ROS1: variants seen among roughly 807,000 people sequenced by gnomAD.
ROS1 encodes the protein proto-oncogene tyrosine-protein kinase ROS.
A neutral mutation model predicts 273.5 loss-of-function variants in ROS1; 263 were observed. The observed-to-expected ratio is 0.96, with a 90% CI of 0.87 to 1.06. The LOEUF (loss-of-function observed/expected upper bound fraction) is 1.06. ROS1 is among the 50% of genes least tolerant of loss of function. The probability of loss-of-function intolerance (pLI) is 0.00; values close to 1 mark genes in which losing one functional copy is unlikely to be tolerated. For missense variants in ROS1, 2,833 were observed against 2,751.1 expected (o/e 1.03, Z -0.67); for synonymous variants, 1,008 against 954.1 (o/e 1.06, Z -1.04).
chr6:117,417,208 T>A (rs1401043786), intron 2 of ROS1, among the ~76,000 whole-genome samples: 1 of 152,156 alleles, frequency 6.6e-6, no homozygotes, highest in African/African-American at 2.4e-5. Context: ...AGATCCATCA[T>A]GTGGAATTCA....
rs750748780 is a variant in ROS1, at chr6:117,308,848, T to A, written c.6497A>T (p.Asn2166Ile). ...CAGTCTCCCTCCTGTTTGCACATAG[T>A]TTAACACATCAAGGTTGGAATGAGC... is the stretch of plus-strand genomic sequence containing the variant. ...YPAHSNLDVL[N>I]YVQTGGRLEP... The change falls in exon 42 of 44, where the codon AAC (asparagine) becomes ATC (isoleucine). Residue 2166 changes from asparagine (N) to isoleucine (I), a missense_variant. Asn to Ile is a moderately radical substitution (Grantham distance 149). Transcript: ENST00000368507. 1 of 1,613,496 alleles carries A rather than the reference T, an allele frequency of 6.2e-7. No individual in the cohort carries two copies. Among genetic ancestry groups the A allele is most frequent in the Non-Finnish European group, 8.5e-7 (1 of 1,179,644 alleles).
chr6:117,359,807 A>T lies in ROS1; in HGVS notation c.3633+2T>A. The T allele has an allele frequency of 6.2e-7, 1 of 1,610,920 alleles. No individual in the cohort carries two copies. Among genetic ancestry groups the T allele is most frequent in the Non-Finnish European group, 8.5e-7 (1 of 1,177,328 alleles). On this transcript the variant is annotated splice_donor_variant, in intron 24 of 43. Coordinates refer to ENST00000368507, the MANE Select transcript of ROS1 (RefSeq NM_001378902.1). LOFTEE classifies it high-confidence loss of function. ...TTTCGGAAGAATTACATAGTGAAAT[A>T]CCTCAGAGCTAGAGCGATTGTGCAA... is the stretch of plus-strand genomic sequence containing the variant.
chr6:117,387,339 G>A (rs1022910681), intron 14 of ROS1, among the ~76,000 whole-genome samples: 11 of 152,280 alleles, frequency 7.2e-5, no homozygotes, highest in African/African-American at 2.6e-4. Context: ...GCATCCAGAA[G>A]AGACTGTGTT....
intron 27 of ROS1, among the ~76,000 whole-genome samples, chr6:117,349,219 T>G (rs530063708): frequency 2.4e-4 from 37 of 152,108 alleles, no homozygotes; most frequent in African/African-American, 8.7e-4. Flanking sequence ...TTTCTTGCAG[T>G]TCTATCAGTT....
intron 31 of ROS1, among the ~76,000 whole-genome samples, chr6:117,339,572 T>C (rs1229670298): frequency 3.3e-5 from 5 of 152,150 alleles, no homozygotes; most frequent in African/African-American, 7.2e-5. Flanking sequence ...ACTTTCTGAC[T>C]ATATAGCACT....
intron 11 of ROS1, among the ~76,000 whole-genome samples, chr6:117,393,730 A>AC (rs1773261838): frequency 6.6e-6 from 1 of 151,736 alleles, no homozygotes; most frequent in Non-Finnish European, 1.5e-5. Context: ...ACCACCACCA[A>AC]CAACAACAAC....
chr6:117,378,863 A>G (rs1034734791), intron 18 of ROS1, among the ~76,000 whole-genome samples, 196 bp downstream of exon 18: 2 of 152,174 alleles, frequency 1.3e-5, no homozygotes, highest in Non-Finnish European at 2.9e-5. Flanking sequence ...TACTCTCTTC[A>G]TACCCCATCA....
chr6:117,349,816 A>T (rs1778667885), intron 27 of ROS1, among the ~76,000 whole-genome samples: 1 of 151,994 alleles, frequency 6.6e-6, no homozygotes, highest in South Asian at 2.1e-4. Flanking sequence ...CCACCTTCAA[A>T]CAACACTATA....
intron 1 of ROS1, among the ~76,000 whole-genome samples, 189 bp downstream of exon 1, chr6:117,425,345 G>C (rs1324822947): frequency 6.6e-6 from 1 of 152,034 alleles, no homozygotes; most frequent in Non-Finnish European, 1.5e-5. Flanking sequence ...AAATAAAATA[G>C]CCTGCTTTAT....
intron 43 of ROS1, among the ~76,000 whole-genome samples, chr6:117,292,424 G>T (rs1317478055): frequency 2.0e-5 from 3 of 152,128 alleles, no homozygotes; most frequent in Admixed American, 6.6e-5. Context: ...TCCTTTCTAA[G>T]CCTCTCTCCT....
chr6:117,351,285 C>T (rs1047765182), intron 27 of ROS1, among the ~76,000 whole-genome samples: 4 of 152,132 alleles, frequency 2.6e-5, no homozygotes, highest in African/African-American at 7.2e-5. Flanking sequence ...TGGGGTTGGG[C>T]ACTTCTCTTT....
chr6:117,399,645 T>C (rs1033313897), intron 7 of ROS1, among the ~76,000 whole-genome samples: 7 of 152,156 alleles, frequency 4.6e-5, no homozygotes, highest in African/African-American at 1.7e-4. Context: ...ACTCTGAGGG[T>C]GAGGGCACCA....
chr6:117,319,990 A>C lies in ROS1; in HGVS notation c.5800T>G (p.Phe1934Val). Reference sequence around the variant, plus strand: ...CGCAGAGTCAGTTTTTCCCGAGGGAAGGCAGGAAGATTTTCAATCTCCTCT... The same window carrying C: ...CGCAGAGTCAGTTTTTCCCGAGGGACGGCAGGAAGATTTTCAATCTCCTCT... Reference protein sequence around the residue: ...TQEEIENLPAFPREKLTLRLL... With the variant: ...TQEEIENLPAVPREKLTLRLL... Residue 1934 changes from phenylalanine (F) to valine (V), a missense_variant, in exon 37 of 44, where the codon TTC (phenylalanine) becomes GTC (valine). Transcript: ENST00000368507. 1 of 1,613,402 alleles carries C rather than the reference A, an allele frequency of 6.2e-7. No homozygotes were observed. Among genetic ancestry groups the C allele is most frequent in the Non-Finnish European group, 8.5e-7 (1 of 1,179,566 alleles).
intron 18 of ROS1, among the ~76,000 whole-genome samples, chr6:117,371,691 G>A (rs916944645): frequency 2.0e-5 from 3 of 152,150 alleles, no homozygotes; most frequent in Non-Finnish European, 4.4e-5. Context: ...TGTAACCTGC[G>A]GCAAGTTCTT....
At chr6:117,421,805 C>T (rs1350557980) in intron 1 of ROS1, among the ~76,000 whole-genome samples, 1 of 151,954 alleles carries the variant, frequency 6.6e-6, no homozygotes, top group Non-Finnish European at 1.5e-5. Context: ...TTTGGCTTTG[C>T]AGTTATTGTA....
chr6:117,401,109 C>A (rs550311181), intron 7 of ROS1, among the ~76,000 whole-genome samples: 1 of 152,286 alleles, frequency 6.6e-6, no homozygotes, highest in Non-Finnish European at 1.5e-5. Flanking sequence ...TTGCCAAATC[C>A]ATTCAGCCAC....
At chr6:117,306,518 C>T (rs1488731131) in intron 42 of ROS1, among the ~76,000 whole-genome samples, 4 of 152,130 alleles carry the variant, frequency 2.6e-5, no homozygotes, top group African/African-American at 4.8e-5. Flanking sequence ...GGCTTTCTAT[C>T]GTACATCTCA....
Position 117,288,418 on chromosome 6 carries a change from T to C in ROS1, c.*74A>G. ...TATAGACCACCATGACATTTATCAT[T>C]CTAGCAGAGTTTTCTTTCAGTAACT... On this transcript the variant is annotated 3_prime_UTR_variant, in exon 44 of 44. Coordinates refer to ENST00000368507, the MANE Select transcript of ROS1 (RefSeq NM_001378902.1). 1 of 1,235,268 alleles carries C rather than the reference T, an allele frequency of 8.1e-7. No homozygotes were observed. The highest frequency in any genetic ancestry group is 1.4e-5 in the South Asian group (1 of 69,274). The allele number at this position is 1,235,268 out of a possible 1,614,324, so 76.5% of individuals were successfully genotyped here.
intron 4 of ROS1, 147 bp downstream of exon 4, chr6:117,414,372 G>A: frequency 3.1e-6 from 2 of 637,666 alleles, no homozygotes; most frequent in Non-Finnish European, 5.5e-6. Context: ...ACAGTCATCT[G>A]TATACTCAGA....
Sources: gnomAD v4.1 joint callset for allele counts (sites outside exome capture counted in the v4.1 genomes callset) on GRCh38, gnomAD v4.1.1 for gene constraint, MANE v1.5 for transcripts, NCBI Gene and HGNC (gene_info 2026-07-23, HGNC 2026-07-21) for gene names.